The following HOMER1 variants were observed in gnomAD, a reference collection of about 807,000 sequenced individuals.
HOMER1 encodes homer protein homolog 1.
A neutral mutation model predicts 48.9 loss-of-function variants in HOMER1; 3 were observed. The ratio of observed to expected loss-of-function variants is 0.06; its 90% CI spans 0.03 to 0.16. The LOEUF is 0.16. Ranked by LOEUF, HOMER1 falls within the 10% of genes least tolerant of loss-of-function variation. HOMER1 has a pLI of 1.00. For synonymous variants in HOMER1, 134 were observed against 146.4 expected, an observed-to-expected ratio of 0.92 and a Z score of 0.61; for missense variants, 247 against 411.4, an observed-to-expected ratio of 0.60 and a Z score of 3.46.
At chr5:79,445,881 T>A (rs1304928295) in intron 4 of HOMER1, among the ~76,000 whole-genome samples, 1 of 152,176 alleles carries the variant, frequency 6.6e-6, no homozygotes, top group South Asian at 2.1e-4. Context: ...GCCACTGCAC[T>A]CCGGTCTGGG....
chr5:79,377,767 T>C (rs1017670132), intron 8 of HOMER1, among the ~76,000 whole-genome samples: 1 of 152,150 alleles, frequency 6.6e-6, no homozygotes, highest in South Asian at 2.1e-4. Context: ...AAAATTCGTA[T>C]GCATGAGGAC....
chr5:79,489,869 A>C (rs1361742218), intron 1 of HOMER1, among the ~76,000 whole-genome samples: 1 of 152,182 alleles, frequency 6.6e-6, no homozygotes, highest in Non-Finnish European at 1.5e-5. Context: ...TTTCACTCTG[A>C]TGCTTAGAAT....
intron 1 of HOMER1, among the ~76,000 whole-genome samples, chr5:79,458,227 AT>A (rs1170176559): frequency 6.6e-6 from 1 of 152,176 alleles, no homozygotes; most frequent in East Asian, 1.9e-4. Context: ...AAGCATCGTA[AT>A]TCAAAAATTT....
intron 8 of HOMER1, among the ~76,000 whole-genome samples, chr5:79,396,368 G>T (rs1256544576): frequency 6.6e-6 from 1 of 151,458 alleles, no homozygotes; most frequent in East Asian, 1.9e-4. Flanking sequence ...TTAAATTCAG[G>T]GTTTTCTTTC....
intron 5 of HOMER1, among the ~76,000 whole-genome samples, chr5:79,411,355 T>C (rs754630876): frequency 4.0e-5 from 6 of 151,768 alleles, no homozygotes; most frequent in Non-Finnish European, 8.8e-5. Context: ...CGTGGTGGCA[T>C]ATGCCTATAG....
rs551544306 is a variant in HOMER1 at position 79,440,055 on chromosome 5, T to C, written c.388-906A>G. Among the ~76,000 whole-genome samples the C allele has an allele frequency of 2.4e-3, 361 of 152,134 alleles. 1 individual carries two copies. The highest frequency in any genetic ancestry group is 8.3e-3 in the African/African-American group (344 of 41,522). On this transcript the variant is annotated intron_variant, in intron 4 of 8. Transcript: ENST00000334082. ...ATCCCTGGGCAAAAAAATGTTACAA[T>C]TGAAATATCTGTCTATATTTGGGAG...
intron 8 of HOMER1, among the ~76,000 whole-genome samples, chr5:79,386,957 T>A (rs1287037438): frequency 8.1e-6 from 1 of 123,476 alleles, no homozygotes; most frequent in African/African-American, 3.1e-5. Flanking sequence ...TTTCCTTTCT[T>A]CCTTCCCTTC....
intron 8 of HOMER1, among the ~76,000 whole-genome samples, chr5:79,395,793 G>T (rs1749367613): frequency 1.3e-5 from 2 of 152,126 alleles, no homozygotes; most frequent in African/African-American, 4.8e-5. Context: ...ACCTCTCCAA[G>T]CTTCAGTTTC....
At chr5:79,504,170 A>C (rs1752684657) in intron 1 of HOMER1, among the ~76,000 whole-genome samples, 1 of 152,146 alleles carries the variant, frequency 6.6e-6, no homozygotes, top group South Asian at 2.1e-4. Flanking sequence ...TTTTTAAATC[A>C]ACAGAATCTC....
At chr5:79,424,507 C>G (rs1006117009) in intron 5 of HOMER1, among the ~76,000 whole-genome samples, 1 of 151,960 alleles carries the variant, frequency 6.6e-6, no homozygotes, top group Non-Finnish European at 1.5e-5. Flanking sequence ...TATGGGAAAG[C>G]ATTTGTAAAT....
intron 1 of HOMER1, among the ~76,000 whole-genome samples, chr5:79,495,647 G>C (rs1752399848): frequency 6.6e-6 from 1 of 152,194 alleles, no homozygotes; most frequent in Admixed American, 6.5e-5. Context: ...CAACACCTTA[G>C]TTACCTGACA....
chr5:79,492,790 C>T (rs910078280), intron 1 of HOMER1, among the ~76,000 whole-genome samples: 3 of 151,422 alleles, frequency 2.0e-5, no homozygotes, highest in East Asian at 3.9e-4. Flanking sequence ...GGAAAGGGGC[C>T]GCTAAGGGGG....
chr5:79,402,188 T>TG (rs1749551385), intron 5 of HOMER1, 133 bp from the exon 6 acceptor site: 1 of 749,062 alleles, frequency 1.3e-6, no homozygotes, highest in Non-Finnish European at 2.0e-6. Context: ...TTTTTTGAGA[T>TG]GGAGTCTCGC....
chr5:79,501,454 G>T, intron 1 of HOMER1, among the ~76,000 whole-genome samples: 1 of 152,034 alleles, frequency 6.6e-6, no homozygotes, highest in East Asian at 1.9e-4. Flanking sequence ...GAGTTGGTGG[G>T]GCAATTAGTA....
At chr5:79,441,636 T>C (rs1026784787) in intron 4 of HOMER1, among the ~76,000 whole-genome samples, 1 of 151,134 alleles carries the variant, frequency 6.6e-6, no homozygotes, top group African/African-American at 2.5e-5. Context: ...TGGTATTTTA[T>C]TTTTTTAATT....
chr5:79,494,295 C>T (rs910347114), intron 1 of HOMER1, among the ~76,000 whole-genome samples: 1 of 152,188 alleles, frequency 6.6e-6, no homozygotes, highest in African/African-American at 2.4e-5. Flanking sequence ...TAATATCCAA[C>T]TATAAAGCAT....
intron 8 of HOMER1, among the ~76,000 whole-genome samples, chr5:79,379,115 A>ATATATATATATATATATATATATATATAT (rs1349080228): frequency 7.2e-5 from 4 of 55,622 alleles, no homozygotes; most frequent in Non-Finnish European, 1.1e-4. Context: ...TATATATATA[A>ATATATATATATATATATATATATATATAT]AATATATAAA....
intron 5 of HOMER1, among the ~76,000 whole-genome samples, chr5:79,420,997 A>G (rs72766733): frequency 1.4e-4 from 21 of 152,180 alleles, no homozygotes; most frequent in Non-Finnish European, 3.1e-4. Flanking sequence ...AATTCATATG[A>G]TTATATATGT....
chr5:79,491,438 C>CAAAAAA (rs56778843), intron 1 of HOMER1, among the ~76,000 whole-genome samples: 1 of 57,704 alleles, frequency 1.7e-5, no homozygotes, highest in African/African-American at 6.8e-5. Context: ...GACCTTGTCT[C>CAAAAAA]AAAAAAAAAA....
Sources: allele counts gnomAD v4.1 joint callset (sites outside exome capture counted in the v4.1 genomes callset), GRCh38; gene constraint gnomAD v4.1.1; transcripts MANE v1.5; gene names NCBI Gene and HGNC (gene_info 2026-07-23, HGNC 2026-07-21).